SCD5: variants seen among roughly 807,000 people sequenced by gnomAD.
The protein encoded by SCD5 is stearoyl-CoA desaturase 5.
Under a neutral mutation model 30.4 loss-of-function variants are expected in SCD5, and 20 were observed. The observed-to-expected ratio is 0.66, with a 90% confidence interval of 0.46 to 0.96. The LOEUF is 0.96. Among genes scored for constraint, SCD5 ranks in the 40% least tolerant of loss-of-function variants. SCD5 has a pLI of 0.00. For synonymous variants in SCD5, 173 were observed against 176.4 expected, an observed-to-expected ratio of 0.98 and a Z score of 0.16; for missense variants, 381 against 443.3, an observed-to-expected ratio of 0.86 and a Z score of 1.26.
chr4:82,664,249 C>G (rs1040671847), intron 3 of SCD5, among the ~76,000 whole-genome samples: 1 of 152,184 alleles, frequency 6.6e-6, no homozygotes, highest in African/African-American at 2.4e-5. Context: ...ATAATAGCAG[C>G]AGTAAAATCT....
At chr4:82,678,874 ATCAACG>A in intron 3 of SCD5, among the ~76,000 whole-genome samples, 1 of 152,278 alleles carries the variant, frequency 6.6e-6, no homozygotes, top group East Asian at 1.9e-4. Context: ...CATAGTGAAA[ATCAACG>A]TCAATAAATC....
intron 3 of SCD5, among the ~76,000 whole-genome samples, chr4:82,653,641 G>A (rs971194147): frequency 6.9e-6 from 1 of 145,076 alleles, no homozygotes; most frequent in Non-Finnish European, 1.5e-5. Context: ...TGTTCTTAGT[G>A]GGGCAGAACT....
intron 1 of SCD5, among the ~76,000 whole-genome samples, chr4:82,765,916 GC>G (rs1721475874): frequency 6.6e-6 from 1 of 152,148 alleles, no homozygotes; most frequent in African/African-American, 2.4e-5. Context: ...CACTGTGCAT[GC>G]CCCCCACCAA....
chr4:82,754,779 C>G (rs984765821), intron 1 of SCD5, among the ~76,000 whole-genome samples: 1 of 152,180 alleles, frequency 6.6e-6, no homozygotes, highest in African/African-American at 2.4e-5. Context: ...ACCTGCAGAG[C>G]CTGGGGATGA....
intron 1 of SCD5, among the ~76,000 whole-genome samples, chr4:82,727,919 G>C (rs916430514): frequency 6.6e-6 from 1 of 152,076 alleles, no homozygotes; most frequent in Non-Finnish European, 1.5e-5. Flanking sequence ...TGTTGGCCAG[G>C]CTGGTCTGGA....
chr4:82,704,653 G>A (rs1484864094), intron 2 of SCD5, among the ~76,000 whole-genome samples: 1 of 152,200 alleles, frequency 6.6e-6, no homozygotes, highest in Non-Finnish European at 1.5e-5. Flanking sequence ...AGAAACTGAA[G>A]TTGAGGAAGT....
intron 1 of SCD5, among the ~76,000 whole-genome samples, chr4:82,783,530 C>T (rs868144155): frequency 3.9e-5 from 6 of 152,180 alleles, no homozygotes; most frequent in African/African-American, 9.6e-5. Flanking sequence ...ATTGGCCAGG[C>T]GCGGTGGCTC....
At chr4:82,678,715 C>T (rs959273157) in intron 3 of SCD5, among the ~76,000 whole-genome samples, 17 of 152,102 alleles carry the variant, frequency 1.1e-4, no homozygotes, top group African/African-American at 3.9e-4. Context: ...ATATGCGATA[C>T]GACTGCCATC....
chr4:82,718,078 T>A (rs199735683), intron 1 of SCD5, among the ~76,000 whole-genome samples: 16,540 of 80,708 alleles, frequency 0.2, 1,131 homozygotes, highest in African/African-American at 0.33. Context: ...TCACCTTTTT[T>A]TTTTAAAAAA....
chr4:82,698,854 C>A (rs1399253249), intron 2 of SCD5, among the ~76,000 whole-genome samples: 1 of 152,186 alleles, frequency 6.6e-6, no homozygotes, highest in Non-Finnish European at 1.5e-5. Context: ...CTGTTTAATT[C>A]TTTATATCCT....
intron 3 of SCD5, among the ~76,000 whole-genome samples, chr4:82,672,606 T>C (rs571053617): frequency 1.3e-5 from 2 of 152,202 alleles, no homozygotes; most frequent in African/African-American, 4.8e-5. Flanking sequence ...AATTCGACCA[T>C]ATATTTAATT....
chr4:82,631,285 C>A lies in SCD5; in HGVS notation c.*42G>T. On this transcript the variant is annotated 3_prime_UTR_variant, in exon 5 of 5. Transcript: ENST00000319540. ...GAGCTATTGTAACCAAAGCCATGAA[C>A]CGAGGTTGCAACGGCAGACATGTGG... The A allele has an allele frequency of 6.3e-7, 1 of 1,583,372 alleles. No homozygotes were observed. Among genetic ancestry groups the A allele is most frequent in the Non-Finnish European group, 8.6e-7 (1 of 1,158,908 alleles).
intron 2 of SCD5, among the ~76,000 whole-genome samples, chr4:82,703,148 A>T (rs926125434): frequency 1.3e-5 from 2 of 152,256 alleles, no homozygotes; most frequent in Non-Finnish European, 2.9e-5. Flanking sequence ...AGTGTCTGCC[A>T]CATAGTAGGT....
Position 82,670,836 on chromosome 4 carries a change from A to G in SCD5, c.569+9871T>C, listed in dbSNP as rs139056695. Among the ~76,000 whole-genome samples, 501 of 151,990 alleles carry G rather than the reference A, an allele frequency of 3.3e-3. 6 individuals are homozygous for G. Among genetic ancestry groups the G allele is most frequent in the African/African-American group, 0.011 (474 of 41,412 alleles). ...TTGATATGGCAAACATCAATTCCAT[A>G]TCAATTGATATGGCAAATATCAATT... On this transcript the variant is annotated intron_variant, in intron 3 of 4. Transcript: ENST00000319540.
intron 1 of SCD5, among the ~76,000 whole-genome samples, chr4:82,783,407 A>G (rs537889680): frequency 1.2e-4 from 19 of 152,230 alleles, no homozygotes; most frequent in Non-Finnish European, 2.8e-4. Flanking sequence ...ATAGCTAAAG[A>G]GGACATGGCA....
At chr4:82,758,200 C>T (rs1476093605) in intron 1 of SCD5, among the ~76,000 whole-genome samples, 1 of 152,206 alleles carries the variant, frequency 6.6e-6, no homozygotes, top group East Asian at 1.9e-4. Context: ...CAGTGTCTCA[C>T]ATCTGTAATC....
intron 3 of SCD5, among the ~76,000 whole-genome samples, chr4:82,649,185 GT>G: frequency 6.9e-5 from 1 of 14,574 alleles, no homozygotes; most frequent in African/African-American, 2.3e-4. Flanking sequence ...AGAGGGGTGT[GT>G]GTGTGTGTGT....
chr4:82,695,964 T>C (rs754799505), intron 2 of SCD5, among the ~76,000 whole-genome samples: 1 of 152,212 alleles, frequency 6.6e-6, no homozygotes, highest in Non-Finnish European at 1.5e-5. Flanking sequence ...GAGTCTTTAT[T>C]GCACACAAGT....
At chr4:82,701,137 C>T (rs1315049808) in intron 2 of SCD5, among the ~76,000 whole-genome samples, 1 of 152,142 alleles carries the variant, frequency 6.6e-6, no homozygotes, top group Non-Finnish European at 1.5e-5. Flanking sequence ...TGTGCTACTG[C>T]AGGTACTATT....
Sources: gnomAD v4.1 joint callset for allele counts (sites outside exome capture counted in the v4.1 genomes callset) on GRCh38, gnomAD v4.1.1 for gene constraint, MANE v1.5 for transcripts, NCBI Gene and HGNC (gene_info 2026-07-23, HGNC 2026-07-21) for gene names.